SNX29: variants seen among roughly 807,000 people sequenced by gnomAD.
SNX29 encodes sorting nexin 29.
SNX29 carries 78 observed loss-of-function variants against 102.1 expected under a neutral mutation model. The observed-to-expected ratio is 0.76, with a 90% confidence interval of 0.64 to 0.92. The LOEUF is 0.92. Among genes scored for constraint, SNX29 ranks in the 40% least tolerant of loss-of-function variants. The probability of loss-of-function intolerance (pLI) is 0.00; values close to 1 mark genes in which losing one functional copy is unlikely to be tolerated. For synonymous variants in SNX29, 580 were observed against 414.5 expected, an observed-to-expected ratio of 1.40 and a Z score of -4.85; for missense variants, 1,280 against 1,061.7, an observed-to-expected ratio of 1.21 and a Z score of -2.86.
intron 1 of SNX29, chr16:11,977,361 C>G (rs1331878794): frequency 6.5e-6 from 1 of 153,108 alleles, no homozygotes; most frequent in Non-Finnish European, 1.5e-5. Flanking sequence ...TTTGTCTTCC[C>G]CATCCCTCTC....
intron 11 of SNX29, among the ~76,000 whole-genome samples, chr16:12,106,358 A>G (rs2053239699): frequency 7.4e-6 from 1 of 135,630 alleles, no homozygotes; most frequent in African/African-American, 2.8e-5. Context: ...AGCCCAGTCC[A>G]CTCTTCTTGG....
chr16:12,168,778 C>G (rs369180288), intron 13 of SNX29, among the ~76,000 whole-genome samples: 1 of 152,222 alleles, frequency 6.6e-6, no homozygotes, highest in East Asian at 1.9e-4. Flanking sequence ...AAATTTCTAT[C>G]AACGCATTCT....
intron 10 of SNX29, among the ~76,000 whole-genome samples, chr16:12,074,822 C>T (rs908380235): frequency 6.6e-6 from 1 of 152,204 alleles, no homozygotes; most frequent in Non-Finnish European, 1.5e-5. Context: ...CAGATTTGGT[C>T]TTTTCATATA....
chr16:12,205,081 T>C (rs2089715611), intron 14 of SNX29, among the ~76,000 whole-genome samples: 2 of 152,222 alleles, frequency 1.3e-5, no homozygotes, highest in African/African-American at 4.8e-5. Flanking sequence ...CAGGGCATTT[T>C]CGAAGGCTGA....
intron 15 of SNX29, among the ~76,000 whole-genome samples, chr16:12,285,213 G>T (rs1012794983): frequency 6.6e-5 from 10 of 152,110 alleles, no homozygotes; most frequent in African/African-American, 2.2e-4. Flanking sequence ...TCACTGTTTA[G>T]CAGGGCTTAG....
At chr16:12,408,682 A>T (rs1249834664) in intron 18 of SNX29, among the ~76,000 whole-genome samples, 1 of 152,208 alleles carries the variant, frequency 6.6e-6, no homozygotes, top group Admixed American at 6.5e-5. Context: ...TTAGCTGGGC[A>T]TGGTGGCACA....
At chr16:12,568,218 A>G (rs1022659989) in intron 20 of SNX29, among the ~76,000 whole-genome samples, 1 of 152,012 alleles carries the variant, frequency 6.6e-6, no homozygotes, top group South Asian at 2.1e-4. Flanking sequence ...ACATTCTTTC[A>G]TAGCCTTAAA....
At chr16:12,135,241 T>C (rs1238767773) in intron 13 of SNX29, among the ~76,000 whole-genome samples, 3 of 152,162 alleles carry the variant, frequency 2.0e-5, no homozygotes, top group African/African-American at 4.8e-5. Context: ...GAAATTGTGT[T>C]GATCTAGCTA....
chr16:12,236,314 G>A (rs1249154904), intron 14 of SNX29, among the ~76,000 whole-genome samples: 1 of 152,184 alleles, frequency 6.6e-6, no homozygotes, highest in Non-Finnish European at 1.5e-5. Flanking sequence ...GGAGTCTGAG[G>A]AGGGCATGGG....
chr16:12,153,743 G>A (rs955087102), intron 13 of SNX29, among the ~76,000 whole-genome samples: 7 of 151,782 alleles, frequency 4.6e-5, no homozygotes, highest in Admixed American at 6.6e-5. Flanking sequence ...CTCCCAAAGT[G>A]CTGGGATTAT....
intron 14 of SNX29, among the ~76,000 whole-genome samples, chr16:12,242,971 C>T (rs899643318): frequency 3.3e-5 from 5 of 152,172 alleles, no homozygotes; most frequent in Non-Finnish European, 7.3e-5. Flanking sequence ...AAAACCCTAC[C>T]GCATCTCTCA....
At chr16:12,230,810 G>A (rs1396323326) in intron 14 of SNX29, among the ~76,000 whole-genome samples, 1 of 143,384 alleles carries the variant, frequency 7.0e-6, no homozygotes, top group Non-Finnish European at 1.5e-5. Flanking sequence ...TTTCTCCCTT[G>A]TAATAAGTCG....
chr16:12,520,618 A>G (rs988893233), intron 19 of SNX29, among the ~76,000 whole-genome samples: 5 of 152,216 alleles, frequency 3.3e-5, no homozygotes, highest in African/African-American at 1.2e-4. Context: ...TATCAGCCAT[A>G]AAAAAGGAAC....
chr16:12,288,489 C>G (rs71385201), intron 15 of SNX29, among the ~76,000 whole-genome samples: 1 of 152,182 alleles, frequency 6.6e-6, no homozygotes, highest in African/African-American at 2.4e-5. Context: ...AGCTGTAACT[C>G]CACTGGAGCT....
chr16:12,119,151 T>C (rs575814502), intron 11 of SNX29, among the ~76,000 whole-genome samples: 2 of 152,258 alleles, frequency 1.3e-5, no homozygotes, highest in South Asian at 4.1e-4. Context: ...TCTCAACAAC[T>C]CAGGACTGGT....
chr16:12,539,960 T>G (rs150221201), intron 20 of SNX29, among the ~76,000 whole-genome samples: 5 of 152,234 alleles, frequency 3.3e-5, no homozygotes, highest in Non-Finnish European at 5.9e-5. Context: ...GTCGAACATG[T>G]GAGTTGCACA....
At chr16:12,075,574 C>T (rs1356124464) in intron 10 of SNX29, among the ~76,000 whole-genome samples, 2 of 152,220 alleles carry the variant, frequency 1.3e-5, no homozygotes, top group African/African-American at 4.8e-5. Flanking sequence ...TCTGCCCCTA[C>T]TGGGGGATGC....
intron 13 of SNX29, among the ~76,000 whole-genome samples, chr16:12,145,269 C>G (rs1022903677): frequency 1.3e-5 from 2 of 151,846 alleles, no homozygotes; most frequent in Non-Finnish European, 2.9e-5. Context: ...GAAAAGAGTC[C>G]CAAATCCCAT....
intron 19 of SNX29, among the ~76,000 whole-genome samples, chr16:12,485,621 T>C (rs1002770594): frequency 1.3e-5 from 2 of 151,192 alleles, no homozygotes; most frequent in Admixed American, 6.6e-5. Context: ...AGTGGAGAGG[T>C]GGGAGCGAGT....
Sources: allele counts gnomAD v4.1 joint callset (sites outside exome capture counted in the v4.1 genomes callset), GRCh38; gene constraint gnomAD v4.1.1; transcripts MANE v1.5; gene names NCBI Gene and HGNC (gene_info 2026-07-23, HGNC 2026-07-21).